Variants in FHAD1 observed in about 807,000 individuals in gnomAD.
FHAD1 encodes forkhead-associated domain-containing protein 1.
A neutral mutation model predicts 191.3 loss-of-function variants in FHAD1; 146 were observed. That is an observed-to-expected ratio of 0.76 (90% confidence interval 0.67 to 0.88). The LOEUF is 0.88. Ranked by LOEUF, FHAD1 falls within the 40% of genes least tolerant of loss-of-function variation. The pLI is 0.00. For synonymous variants in FHAD1, 616 were observed against 672.3 expected (o/e 0.92, Z 1.29); for missense variants, 1,635 against 1,785.8 (o/e 0.92, Z 1.52).
intron 18 of FHAD1, among the ~76,000 whole-genome samples, chr1:15,347,839 G>A (rs918487233): frequency 6.6e-6 from 1 of 152,210 alleles, no homozygotes; most frequent in Non-Finnish European, 1.5e-5. Context: ...TTGAGGTCAT[G>A]TTCAAAGTTA....
At chr1:15,396,700 C>T (rs1359469641) in intron 33 of FHAD1, among the ~76,000 whole-genome samples, 2 of 151,922 alleles carry the variant, frequency 1.3e-5, no homozygotes, top group Non-Finnish European at 2.9e-5. Context: ...GTCCCAGCTG[C>T]TTGGGAGGCT....
chr1:15,289,487 C>T lies in FHAD1; in HGVS notation c.389C>T (p.Pro130Leu), dbSNP rs1663709403. 6.4e-7 allele frequency: 1 copy of T among 1,551,776 alleles called. No individual in the cohort carries two copies. The highest frequency in any genetic ancestry group is 2.0e-5 in the Admixed American group (1 of 50,988). ...CAGCAGCCAAACCAGGCCCCCCCAC[C>T]ATCACATATCCCCTTCCACCAAGGT... Reference protein sequence around the residue: ...ATQQPNQAPPPSHIPFHQGVQ... With the variant: ...ATQQPNQAPPLSHIPFHQGVQ... Residue 130 changes from proline (P) to leucine (L), a missense_variant, in exon 4 of 34, where the codon CCA becomes CTA. Transcript: ENST00000688493. This position sits in a 1 kb window ranked among gnomAD's most constrained non-coding sequence, Gnocchi z 4.2.
chr1:15,289,534 A>G lies in FHAD1; in HGVS notation c.436A>G (p.Arg146Gly). The change falls in exon 4 of 34, where the codon AGG (arginine) becomes GGG (glycine). Residue 146 changes from arginine to glycine, a missense_variant. Transcript: ENST00000688493. The surrounding 1 kb of genome is among the most constrained non-coding windows in gnomAD (Gnocchi z 4.2). The stretch of plus-strand genomic sequence containing the variant: ...AGGTGTCCAGCCAGCACCGATGCAA[A>G]GGAGCTGGTCCCAGGCCTTTCCCAG... ...HQGVQPAPMQ[R>G]SWSQAFPRPT... The G allele has an allele frequency of 1.9e-6, 3 of 1,551,832 alleles. No individual in the cohort carries two copies. Among genetic ancestry groups the G allele is most frequent in the Non-Finnish European group, 2.6e-6 (3 of 1,147,032 alleles).
intron 22 of FHAD1, among the ~76,000 whole-genome samples, chr1:15,361,312 A>G (rs1012493683): frequency 6.6e-6 from 1 of 152,190 alleles, no homozygotes; most frequent in Non-Finnish European, 1.5e-5. Flanking sequence ...TGTCCTGGGC[A>G]CTATCAGGTG....
chr1:15,402,797 C>T (rs1354993538), downstream of FHAD1, among the ~76,000 whole-genome samples: 1 of 152,140 alleles, frequency 6.6e-6, no homozygotes, highest in Non-Finnish European at 1.5e-5. Flanking sequence ...GCACTTTCCT[C>T]AAGGAAGTCC....
chr1:15,402,850 C>A (rs79779160), downstream of FHAD1: 11 of 152,336 alleles, frequency 7.2e-5, no homozygotes, highest in East Asian at 1.3e-3. Context: ...GGCAGGATGA[C>A]AGACTTTTTC....
chr1:15,338,063 C>G (rs1474131343), intron 14 of FHAD1, among the ~76,000 whole-genome samples: 1 of 152,160 alleles, frequency 6.6e-6, no homozygotes, highest in Non-Finnish European at 1.5e-5. Flanking sequence ...CCTCCCTCTC[C>G]CATCATCTAC....
At chr1:15,254,752 A>G (rs1327020487) in intron 2 of FHAD1, among the ~76,000 whole-genome samples, 1 of 152,158 alleles carries the variant, frequency 6.6e-6, no homozygotes, top group Non-Finnish European at 1.5e-5. Context: ...AGAACAGATG[A>G]TACATGAATT....
At position 15,344,905 on chromosome 1, in the gene FHAD1, G is replaced by GCTCTACCCTGGGT. The variant is rs531684830; in HGVS notation, c.2131-174_2131-162dup. Among the ~76,000 whole-genome samples, 714 of 152,252 alleles carry GCTCTACCCTGGGT rather than the reference G, an allele frequency of 4.7e-3. 9 individuals carry two copies. Among genetic ancestry groups the GCTCTACCCTGGGT allele is most frequent in the African/African-American group, 0.016 (683 of 41,536 alleles). On this transcript the variant is annotated intron_variant, in intron 16 of 33. Coordinates refer to ENST00000688493, the MANE Select transcript of FHAD1 (RefSeq NM_001391957.1). The stretch of plus-strand genomic sequence containing the variant: ...TACAGCTGGAAAGGATCAACCTGGG[G>GCTCTACCCTGGGT]CTCTACCCTGGGTCTCCTGACTCCA...
Position 15,369,462 on chromosome 1 carries a change from T to C in FHAD1, c.3407T>C (p.Ile1136Thr), listed in dbSNP as rs998447903. The change falls in exon 26 of 34, where the codon ATA becomes ACA. Residue 1136 changes from isoleucine (I) to threonine (T), a missense_variant. Transcript: ENST00000688493. Reference sequence around the variant, plus strand: ...CAGACGTGTGACACCTCTGTGCAGATAGAACCCGTCCACACTGAGGCCTTC... The same window carrying C: ...CAGACGTGTGACACCTCTGTGCAGACAGAACCCGTCCACACTGAGGCCTTC... ...KTQTCDTSVQ[I>T]EPVHTEAFSS... The C allele has an allele frequency of 3.2e-6, 5 of 1,551,588 alleles. No individual in the cohort carries two copies. The highest frequency in any genetic ancestry group is 4.4e-6 in the Non-Finnish European group (5 of 1,147,026).
chr1:15,379,745 A>G (rs972302659), intron 28 of FHAD1, among the ~76,000 whole-genome samples: 4 of 152,206 alleles, frequency 2.6e-5, no homozygotes, highest in African/African-American at 9.7e-5. Context: ...ACTCTTAAGG[A>G]GCATGCTGCC....
At chr1:15,344,292 C>G (rs1240857240) in intron 16 of FHAD1, among the ~76,000 whole-genome samples, 1 of 152,182 alleles carries the variant, frequency 6.6e-6, no homozygotes, top group Non-Finnish European at 1.5e-5. Flanking sequence ...GGTCATTAAT[C>G]TCATGAATCT....
At chr1:15,340,843 C>T (rs1686321713) in intron 15 of FHAD1, among the ~76,000 whole-genome samples, 1 of 152,124 alleles carries the variant, frequency 6.6e-6, no homozygotes, top group South Asian at 2.1e-4. Flanking sequence ...TAGCCATAGA[C>T]AATATGTAAG....
In FHAD1 at chr1:15,372,533, T is replaced by C. The variant is rs571668705; in HGVS notation, c.3448-1969T>C. Among the ~76,000 whole-genome samples, 13 of 152,198 alleles carry C rather than the reference T, an allele frequency of 8.5e-5. No individual in the cohort carries two copies. The South Asian group carries it at 2.7e-3, about 32-fold the overall frequency. On this transcript the variant is annotated intron_variant, in intron 26 of 33. Coordinates refer to ENST00000688493, the MANE Select transcript of FHAD1 (RefSeq NM_001391957.1). The stretch of plus-strand genomic sequence containing the variant: ...AAAATGCACCCACAGCAGCAAGGGC[T>C]GGTCTGCCTGCTCCCTGATCTCACC...
At chr1:15,323,066 G>A (rs937362271) in intron 10 of FHAD1, among the ~76,000 whole-genome samples, 2 of 152,130 alleles carry the variant, frequency 1.3e-5, no homozygotes, top group African/African-American at 2.4e-5. Flanking sequence ...AGAACAGCAC[G>A]GGAAAGTCCG....
intron 14 of FHAD1, 143 bp from the exon 15 acceptor site, chr1:15,339,338 C>A (rs1569661853): frequency 5.4e-6 from 2 of 368,734 alleles, no homozygotes; most frequent in Admixed American, 8.1e-5. Context: ...CCGTGCCCGG[C>A]TGCTTATCAA....
Position 15,324,439 on chromosome 1 carries a change from A to G in FHAD1, c.1366-13A>G. ...ACATTAGCAGCAAGTACTCGCTTTCATCGTCATTTCAGGTTGAAGAGAAGC... is the reference window on the plus strand; with the variant it reads ...ACATTAGCAGCAAGTACTCGCTTTCGTCGTCATTTCAGGTTGAAGAGAAGC... On this transcript the variant is annotated splice_polypyrimidine_tract_variant and intron_variant, in intron 10 of 33. Coordinates refer to ENST00000688493, the MANE Select transcript of FHAD1 (RefSeq NM_001391957.1). The G allele has an allele frequency of 9.7e-6, 15 of 1,541,436 alleles. No individual in the cohort carries two copies. Among genetic ancestry groups the G allele is most frequent in the African/African-American group, 1.4e-5 (1 of 72,898 alleles).
intron 31 of FHAD1, chr1:15,383,016 G>T (rs182950504): frequency 6.1e-4 from 276 of 454,052 alleles, no homozygotes; most frequent in African/African-American, 5.0e-3. Context: ...ACACACACAC[G>T]CGCACGCGCA....
chr1:15,386,121 T>A (rs974664532), intron 31 of FHAD1, among the ~76,000 whole-genome samples: 5 of 152,222 alleles, frequency 3.3e-5, no homozygotes, highest in Admixed American at 3.3e-4. Context: ...TTTACCTCTG[T>A]CGCAGGTTTC....
Sources: allele counts gnomAD v4.1 joint callset (sites outside exome capture counted in the v4.1 genomes callset), GRCh38; gene constraint gnomAD v4.1.1; non-coding constraint Gnocchi (gnomAD v3.1); transcripts MANE v1.5; gene names NCBI Gene and HGNC (gene_info 2026-07-23, HGNC 2026-07-21).